CTNNA3: variants seen among roughly 807,000 people sequenced by gnomAD.
The protein encoded by CTNNA3 is catenin alpha-3.
A neutral mutation model predicts 95.7 loss-of-function variants in CTNNA3; 76 were observed. That is an observed-to-expected ratio of 0.79 (90% CI 0.66 to 0.96). The LOEUF (loss-of-function observed/expected upper bound fraction) is 0.96. Among genes scored for constraint, CTNNA3 ranks in the 40% least tolerant of loss-of-function variants. The pLI, the probability that CTNNA3 is intolerant of heterozygous loss-of-function variation, is 0.00. For synonymous variants in CTNNA3, 431 were observed against 374.4 expected (o/e 1.15, Z -1.74); for missense variants, 1,191 against 1,089.8 (o/e 1.09, Z -1.31).
intron 5 of CTNNA3, among the ~76,000 whole-genome samples, chr10:67,256,913 G>C (rs1371100498): frequency 6.6e-6 from 1 of 151,964 alleles, no homozygotes; most frequent in Non-Finnish European, 1.5e-5. Context: ...AAAAAGTTTA[G>C]TTAAATAAAA....
chr10:67,732,617 T>C (rs1349905709), intron 1 of CTNNA3, among the ~76,000 whole-genome samples: 1 of 152,218 alleles, frequency 6.6e-6, no homozygotes, highest in Non-Finnish European at 1.5e-5. Context: ...TCTCACTACA[T>C]ATTTAGTTGA....
intron 5 of CTNNA3, among the ~76,000 whole-genome samples, chr10:67,372,251 T>C (rs1426274609): frequency 6.6e-6 from 1 of 152,214 alleles, no homozygotes; most frequent in Non-Finnish European, 1.5e-5. Flanking sequence ...ATTTGTCAAT[T>C]TTGGCTTTTG....
intron 7 of CTNNA3, among the ~76,000 whole-genome samples, chr10:67,117,447 C>T (rs1186333018): frequency 6.6e-6 from 1 of 151,724 alleles, no homozygotes; most frequent in Non-Finnish European, 1.5e-5. Flanking sequence ...AGTTGGGACT[C>T]ACAAAAAGAA....
At chr10:66,531,981 G>A (rs1260731855) in intron 10 of CTNNA3, among the ~76,000 whole-genome samples, 1 of 152,070 alleles carries the variant, frequency 6.6e-6, no homozygotes, top group Non-Finnish European at 1.5e-5. Context: ...AGTTCAAATG[G>A]AGAAATTTAA....
intron 1 of CTNNA3, among the ~76,000 whole-genome samples, chr10:67,702,994 A>G (rs1400208509): frequency 6.6e-6 from 1 of 152,238 alleles, no homozygotes; most frequent in Non-Finnish European, 1.5e-5. Context: ...AATACTACAA[A>G]CACCTCTACG....
intron 3 of CTNNA3, among the ~76,000 whole-genome samples, chr10:67,605,719 C>T (rs1008090600): frequency 6.7e-6 from 1 of 149,208 alleles, no homozygotes; most frequent in Non-Finnish European, 1.5e-5. Context: ...GCTCTTGTCC[C>T]CCAGGCTGGA....
At chr10:67,424,594 A>G (rs1294083709) in intron 5 of CTNNA3, among the ~76,000 whole-genome samples, 1 of 152,026 alleles carries the variant, frequency 6.6e-6, no homozygotes, top group Non-Finnish European at 1.5e-5. Context: ...CCCTAGATAA[A>G]TTTTCCAAAA....
chr10:67,094,561 C>A (rs1857849905), intron 7 of CTNNA3, among the ~76,000 whole-genome samples: 1 of 151,692 alleles, frequency 6.6e-6, no homozygotes. Context: ...TTCATATTGT[C>A]AAGCATGGTG....
intron 5 of CTNNA3, among the ~76,000 whole-genome samples, chr10:67,356,673 CT>C (rs1842821422): frequency 6.6e-6 from 1 of 152,084 alleles, no homozygotes; most frequent in South Asian, 2.1e-4. Context: ...CCCTCTCATT[CT>C]TTGATAACAA....
At chr10:67,637,397 C>T (rs1259453252) in intron 2 of CTNNA3, among the ~76,000 whole-genome samples, 3 of 152,196 alleles carry the variant, frequency 2.0e-5, no homozygotes, top group Non-Finnish European at 4.4e-5. Flanking sequence ...ATTCGTGTAC[C>T]TGAAAGTGAC....
intron 3 of CTNNA3, among the ~76,000 whole-genome samples, chr10:67,586,463 A>C (rs1034165582): frequency 6.6e-6 from 1 of 152,082 alleles, no homozygotes; most frequent in African/African-American, 2.4e-5. Context: ...AGATCTAGTC[A>C]TATTTGTTTT....
At chr10:66,312,619 T>A (rs1417087423) in intron 12 of CTNNA3, among the ~76,000 whole-genome samples, 1 of 151,722 alleles carries the variant, frequency 6.6e-6, no homozygotes, top group Non-Finnish European at 1.5e-5. Flanking sequence ...TGATATCAAC[T>A]TACCGCAATC....
chr10:66,777,795 A>G (rs866391853), intron 7 of CTNNA3, among the ~76,000 whole-genome samples: 37 of 71,060 alleles, frequency 5.2e-4, no homozygotes, highest in Middle Eastern at 8.3e-3. Context: ...ACACACACAC[A>G]CATGCACACA....
chr10:66,100,312 A>G (rs7908700), intron 14 of CTNNA3, among the ~76,000 whole-genome samples: 92,745 of 152,002 alleles, frequency 0.61, 28,346 homozygotes, highest in East Asian at 0.71. Context: ...TGCCTCATAT[A>G]AGGTTGTATA....
intron 15 of CTNNA3, among the ~76,000 whole-genome samples, chr10:66,030,143 C>A (rs543032686): frequency 2.0e-5 from 3 of 152,228 alleles, no homozygotes; most frequent in Admixed American, 6.5e-5. Context: ...GGCCATACTG[C>A]CCAAAGCAAT....
chr10:67,086,529 C>G (rs1564881538), intron 7 of CTNNA3, among the ~76,000 whole-genome samples: 3 of 151,956 alleles, frequency 2.0e-5, no homozygotes, highest in Admixed American at 1.3e-4. Flanking sequence ...CCAAGTCCTG[C>G]CAAAGCAGGA....
intron 11 of CTNNA3, among the ~76,000 whole-genome samples, chr10:66,443,097 G>T (rs2089398): frequency 1.3e-5 from 2 of 151,752 alleles, no homozygotes; most frequent in East Asian, 3.9e-4. Context: ...AAGGCCACAG[G>T]GAGGCTGGGG....
intron 7 of CTNNA3, among the ~76,000 whole-genome samples, chr10:66,881,611 T>C (rs1296115961): frequency 1.3e-5 from 2 of 152,098 alleles, no homozygotes; most frequent in African/African-American, 4.8e-5. Flanking sequence ...TAATGTGCTG[T>C]TGTCATTCTT....
At chr10:66,015,105 A>AAAT (rs374364944) in intron 15 of CTNNA3, among the ~76,000 whole-genome samples, 1,725 of 150,138 alleles carry the variant, frequency 0.011, 30 homozygotes, top group African/African-American at 0.038. Context: ...CTGTCTCAAA[A>AAAT]AATAATAATA....
Sources: gnomAD v4.1 joint callset for allele counts (sites outside exome capture counted in the v4.1 genomes callset) on GRCh38, gnomAD v4.1.1 for gene constraint, MANE v1.5 for transcripts, NCBI Gene and HGNC (gene_info 2026-07-23, HGNC 2026-07-21) for gene names.